C3orf38: variants seen among roughly 807,000 people sequenced by gnomAD.
C3orf38 encodes the protein chromosome 3 open reading frame 38.
A neutral mutation model predicts 28.3 loss-of-function variants in C3orf38; 18 were observed. The ratio of observed to expected loss-of-function variants is 0.64; its 90% CI spans 0.44 to 0.94. The LOEUF (loss-of-function observed/expected upper bound fraction) is 0.94, where lower values mean the gene tolerates loss of function less well. Ranked by LOEUF, C3orf38 falls within the 40% of genes least tolerant of loss-of-function variation. The pLI is 0.00. For missense variants in C3orf38, 364 were observed against 396.4 expected (o/e 0.92, Z 0.69); for synonymous variants, 145 against 138.1 (o/e 1.05, Z -0.35).
At chr3:88,150,296 C>T (rs1707389934) in intron 1 of C3orf38, 111 bp downstream of exon 1, 1 of 1,298,804 alleles carries the variant, frequency 7.7e-7, no homozygotes, top group Non-Finnish European at 1.1e-6. Flanking sequence ...ATCCACAGCT[C>T]TGGAACCACT....
chr3:88,150,564 A>G (rs1281211846), intron 1 of C3orf38: 1 of 161,290 alleles, frequency 6.2e-6, no homozygotes, highest in Non-Finnish European at 1.4e-5. Context: ...GATGGCAAAC[A>G]TTTTGTATGT....
At position 88,157,326 on chromosome 3, in the gene C3orf38, T is replaced by G. The variant is rs1438673575; in HGVS notation, c.*691T>G. ...TCTGCAACATTTTCCTTACTGTTTTTGGGCAGTGATAAATGCTGTTCTCGA... is the reference window on the plus strand; with the variant it reads ...TCTGCAACATTTTCCTTACTGTTTTGGGGCAGTGATAAATGCTGTTCTCGA... On this transcript the variant is annotated 3_prime_UTR_variant, in exon 3 of 3. Coordinates refer to ENST00000318887, the MANE Select transcript of C3orf38 (RefSeq NM_173824.4). 6.6e-6 allele frequency: 1 copy of G among 152,242 alleles called. No homozygotes were observed. 9.4% of individuals were successfully genotyped at this position (152,242 alleles called of 1,614,324 possible). A position where few individuals can be genotyped will look rare whatever the true frequency, so the allele number is the denominator to read the frequency against.
intron 2 of C3orf38, among the ~76,000 whole-genome samples, chr3:88,155,261 G>A (rs1707463873): frequency 6.6e-6 from 1 of 152,028 alleles, no homozygotes; most frequent in Admixed American, 6.6e-5. Flanking sequence ...TCTATTTAAA[G>A]ACAATGAAAA....
intron 2 of C3orf38, 49 bp downstream of exon 2, chr3:88,153,520 C>T (rs1553702989): frequency 1.9e-6 from 3 of 1,590,716 alleles, no homozygotes; most frequent in Non-Finnish European, 2.6e-6. Flanking sequence ...CTGTCTGAAA[C>T]TTTGTTGATA....
intron 2 of C3orf38, 70 bp downstream of exon 2, chr3:88,153,541 G>T (rs191454432): frequency 6.6e-7 from 1 of 1,526,280 alleles, no homozygotes; most frequent in African/African-American, 1.4e-5. Flanking sequence ...ATCCTAGATT[G>T]TGGGGAACAT....
chr3:88,153,482 T>C lies in C3orf38; in HGVS notation c.375+11T>C. 1 of 1,613,398 alleles carries C rather than the reference T, an allele frequency of 6.2e-7. No homozygotes were observed. Among genetic ancestry groups the C allele is most frequent in the Non-Finnish European group, 8.5e-7 (1 of 1,179,792 alleles). On this transcript the variant is annotated intron_variant, in intron 2 of 2. Transcript: ENST00000318887. The stretch of plus-strand genomic sequence containing the variant: ...CACCTATTTCAACAGGTAAAATAAA[T>C]CTTATGGTTGTATTCTGAACCTTTG...
At position 88,150,028 on chromosome 3, in the gene C3orf38, T is replaced by C. The variant is rs755536603; in HGVS notation, c.-25T>C. ...GGCCGTAGGGGCGACATTGTTGCCG[T>C]TGTCTTTCCCCCCCAGTCCCGGGGA... On this transcript the variant is annotated 5_prime_UTR_variant, in exon 1 of 3. Coordinates refer to ENST00000318887, the MANE Select transcript of C3orf38 (RefSeq NM_173824.4). 6 of 1,519,740 alleles carry C rather than the reference T, an allele frequency of 3.9e-6. No individual in the cohort carries two copies. The highest frequency in any genetic ancestry group is 5.3e-6 in the Non-Finnish European group (6 of 1,128,886). 94.1% of individuals were successfully genotyped at this position (1,519,740 alleles called of 1,614,324 possible).
At position 88,150,014 on chromosome 3, in the gene C3orf38, C is replaced by T. The variant is rs370794446; in HGVS notation, c.-39C>T. 192 of 1,604,738 alleles carry T rather than the reference C, an allele frequency of 1.2e-4. No homozygotes were observed. The highest frequency in any genetic ancestry group is 1.5e-4 in the Non-Finnish European group (182 of 1,176,940). ...GCGCGGGCCCAGTGGGCCGTAGGGGCGACATTGTTGCCGTTGTCTTTCCCC... is the reference window on the plus strand; with the variant it reads ...GCGCGGGCCCAGTGGGCCGTAGGGGTGACATTGTTGCCGTTGTCTTTCCCC... On this transcript the variant is annotated 5_prime_UTR_variant, in exon 1 of 3. Transcript: ENST00000318887.
Position 88,156,898 on chromosome 3 carries a change from T to C in C3orf38, c.*263T>C, listed in dbSNP as rs1477025643. On this transcript the variant is annotated 3_prime_UTR_variant, in exon 3 of 3. Coordinates refer to ENST00000318887, the MANE Select transcript of C3orf38 (RefSeq NM_173824.4). ...AAGTATTCTGAAAGCTTAATGCAAA[T>C]AAATCCCACTTTAGATCTTACAGCT... is the stretch of plus-strand genomic sequence containing the variant. 8.0e-6 allele frequency: 3 copies of C among 375,152 alleles called. No homozygotes were observed. The highest frequency in any genetic ancestry group is 1.4e-5 in the Non-Finnish European group (3 of 209,712). The allele number at this position is 375,152 out of a possible 1,614,324, so 23.2% of individuals were successfully genotyped here. A position where few individuals can be genotyped will look rare whatever the true frequency, so the allele number is the denominator to read the frequency against.
intron 2 of C3orf38, 48 bp downstream of exon 2, chr3:88,153,519 A>G: frequency 6.3e-7 from 1 of 1,592,140 alleles, no homozygotes; most frequent in South Asian, 1.1e-5. Context: ...TCTGTCTGAA[A>G]CTTTGTTGAT....
At chr3:88,153,005 T>A (rs1008557382) in intron 1 of C3orf38, among the ~76,000 whole-genome samples, 1 of 152,160 alleles carries the variant, frequency 6.6e-6, no homozygotes, top group Non-Finnish European at 1.5e-5. Flanking sequence ...CTATCACTTA[T>A]GGGAAGTGAA....
chr3:88,150,960 G>A (rs1707403214), intron 1 of C3orf38: 2 of 152,064 alleles, frequency 1.3e-5, no homozygotes, highest in African/African-American at 4.8e-5. Context: ...TTGTCACTCC[G>A]AACCATGGAC....
chr3:88,152,866 T>C (rs938217903), intron 1 of C3orf38, among the ~76,000 whole-genome samples: 1 of 152,194 alleles, frequency 6.6e-6, no homozygotes, highest in African/African-American at 2.4e-5. Context: ...TAAAATATTG[T>C]TGTAATTGTC....
rs1427387847 is a variant in C3orf38 at position 88,156,816 on chromosome 3, T to C, written c.*181T>C. 3.2e-6 allele frequency: 2 copies of C among 633,500 alleles called. No homozygotes were observed. Among genetic ancestry groups the C allele is most frequent in the African/African-American group, 1.8e-5 (1 of 54,558 alleles). The allele number at this position is 633,500 out of a possible 1,614,324, so 39.2% of individuals were successfully genotyped here. ...ACATATTTTAGTTGAAATACCTTTC[T>C]GGACTACAGACTTACATATCATGTG... is the stretch of plus-strand genomic sequence containing the variant. On this transcript the variant is annotated 3_prime_UTR_variant, in exon 3 of 3. Coordinates refer to ENST00000318887, the MANE Select transcript of C3orf38 (RefSeq NM_173824.4).
At chr3:88,151,826 G>A (rs1278421200) in intron 1 of C3orf38, among the ~76,000 whole-genome samples, 1 of 152,082 alleles carries the variant, frequency 6.6e-6, no homozygotes, top group Non-Finnish European at 1.5e-5. Flanking sequence ...TACTGTATAT[G>A]GATGGATTGA....
Position 88,152,598 on chromosome 3 carries a change from TA to T in C3orf38, c.134-625del, listed in dbSNP as rs35304595. On this transcript the variant is annotated intron_variant, in intron 1 of 2. Coordinates refer to ENST00000318887, the MANE Select transcript of C3orf38 (RefSeq NM_173824.4). ...TAACACGGTGAAACCCTGTCTGTAC[TA>T]AAAAAATTAGCTGGGCGTCGTGGCA... 2.8e-3 allele frequency among the ~76,000 whole-genome samples: 427 copies of T among 151,672 alleles called. 8 individuals carry two copies. The highest frequency in any genetic ancestry group is 0.026 in the Admixed American group (389 of 15,234).
Position 88,153,354 on chromosome 3 carries a change from T to C in C3orf38, c.258T>C (p.Thr86=). The C allele has an allele frequency of 6.2e-7, 1 of 1,613,724 alleles. No individual in the cohort carries two copies. The highest frequency in any genetic ancestry group is 8.5e-7 in the Non-Finnish European group (1 of 1,179,986). ...ATQGIVIPPA[T]EKHNLIQHAK... Reference sequence around the variant, plus strand: ...AGGGGATTGTTATACCTCCAGCTACTGAAAAACACAATCTTATTCAGCATG... The same window carrying C: ...AGGGGATTGTTATACCTCCAGCTACCGAAAAACACAATCTTATTCAGCATG... The change falls in exon 2 of 3, where the codon ACT becomes ACC. Residue 86 remains threonine, a synonymous_variant. Coordinates refer to ENST00000318887, the MANE Select transcript of C3orf38 (RefSeq NM_173824.4).
chr3:88,157,417 TA>T lies in C3orf38; in HGVS notation c.*785del, dbSNP rs1707494661. ...ATAGAGCAGTTACTGTAATACAATA[TA>T]AAGGAAATATGCTGTTGAAATTTTA... On this transcript the variant is annotated 3_prime_UTR_variant, in exon 3 of 3. Transcript: ENST00000318887. The T allele has an allele frequency of 6.6e-6, 1 of 152,176 alleles. No individual in the cohort carries two copies. The highest frequency in any genetic ancestry group is 2.4e-5 in the African/African-American group (1 of 41,444). 9.4% of individuals were successfully genotyped at this position (152,176 alleles called of 1,614,324 possible).
In C3orf38 at chr3:88,156,520, A is replaced by T; in HGVS notation, c.875A>T (p.Lys292Ile). The change falls in exon 3 of 3, where the codon AAA becomes ATA. Residue 292 changes from lysine to isoleucine, a missense_variant. Transcript: ENST00000318887. The stretch of plus-strand genomic sequence containing the variant: ...GGAACATTACCGAAACCATCTGTTA[A>T]ATTTGAACAAAGTGATCTAGAGGCC... ...APGTLPKPSV[K>I]FEQSDLEAFY... 6.2e-7 allele frequency: 1 copy of T among 1,614,214 alleles called. No homozygotes were observed. Among genetic ancestry groups the T allele is most frequent in the Non-Finnish European group, 8.5e-7 (1 of 1,180,032 alleles).
Sources: allele counts gnomAD v4.1 joint callset (sites outside exome capture counted in the v4.1 genomes callset), GRCh38; gene constraint gnomAD v4.1.1; transcripts MANE v1.5; gene names NCBI Gene and HGNC (gene_info 2026-07-23, HGNC 2026-07-21).